Variants in SPATS2 observed in about 807,000 individuals in gnomAD.
The protein encoded by SPATS2 is spermatogenesis-associated serine-rich protein 2.
In SPATS2, 38 loss-of-function variants were observed where a neutral mutation model predicts 63.7. That is an observed-to-expected ratio of 0.60 (90% confidence interval 0.46 to 0.78). SPATS2 has a LOEUF of 0.78. SPATS2 is among the 30% of genes least tolerant of loss of function. The pLI is 0.00. For synonymous variants in SPATS2, 207 were observed against 232.9 expected, an observed-to-expected ratio of 0.89 and a Z score of 1.01; for missense variants, 588 against 666.2, an observed-to-expected ratio of 0.88 and a Z score of 1.29.
At chr12:49,496,176 A>G (rs1367640220) in intron 7 of SPATS2, among the ~76,000 whole-genome samples, 2 of 152,196 alleles carry the variant, frequency 1.3e-5, no homozygotes, top group Non-Finnish European at 2.9e-5. Flanking sequence ...CAAACCAACA[A>G]TAGCCAGTGG....
intron 2 of SPATS2, among the ~76,000 whole-genome samples, chr12:49,383,667 G>C (rs1345162153): frequency 6.6e-6 from 1 of 152,112 alleles, no homozygotes; most frequent in African/African-American, 2.4e-5. Flanking sequence ...CTCTTAAAGT[G>C]TTGCGCTTAT....
chr12:49,372,313 G>A lies in SPATS2; in HGVS notation c.-244+1023G>A, dbSNP rs113675867. On this transcript the variant is annotated intron_variant, in intron 2 of 13. Coordinates refer to ENST00000552918, the MANE Select transcript of SPATS2 (RefSeq NM_023071.4). ...ACCCGCCTCAGCCTCTCAAAGTGCT[G>A]AGATTACATGCGTGAACCACTGTGG... Among the ~76,000 whole-genome samples, 1,357 of 152,290 alleles carry A rather than the reference G, an allele frequency of 8.9e-3. 20 individuals carry two copies. Among genetic ancestry groups the A allele is most frequent in the African/African-American group, 0.031 (1,286 of 41,534 alleles).
At chr12:49,412,929 C>T (rs1944823283) in intron 2 of SPATS2, among the ~76,000 whole-genome samples, 1 of 152,070 alleles carries the variant, frequency 6.6e-6, no homozygotes, top group Non-Finnish European at 1.5e-5. Context: ...TCAAATTAAA[C>T]ATTTCAGCTG....
chr12:49,488,340 G>A (rs191524076), intron 4 of SPATS2, among the ~76,000 whole-genome samples: 2 of 152,152 alleles, frequency 1.3e-5, no homozygotes, highest in Admixed American at 1.3e-4. Context: ...ACCATGCCCA[G>A]CCATATATTT....
chr12:49,435,144 C>T (rs908238757), intron 2 of SPATS2, among the ~76,000 whole-genome samples: 40 of 151,190 alleles, frequency 2.6e-4, no homozygotes, highest in African/African-American at 9.5e-4. Flanking sequence ...CATTCTCCTG[C>T]CTCAGCCTCC....
intron 2 of SPATS2, among the ~76,000 whole-genome samples, chr12:49,455,366 A>G (rs1945701370): frequency 1.3e-5 from 2 of 152,120 alleles, no homozygotes; most frequent in African/African-American, 4.8e-5. Flanking sequence ...GACCTTCTCC[A>G]ATATCTGCAT....
intron 3 of SPATS2, chr12:49,462,624 A>C: frequency 3.4e-6 from 2 of 592,590 alleles, no homozygotes; most frequent in East Asian, 2.8e-5. Flanking sequence ...CACACGAATG[A>C]ATTGAAGGAT....
chr12:49,392,484 G>A lies in SPATS2; in HGVS notation c.-244+21194G>A, dbSNP rs186913505. On this transcript the variant is annotated intron_variant, in intron 2 of 13. Coordinates refer to ENST00000552918, the MANE Select transcript of SPATS2 (RefSeq NM_023071.4). The stretch of plus-strand genomic sequence containing the variant: ...CTGTAGTCCCAGCAGTTTGGGAGGC[G>A]GGTGAATCACCTGAGGTCAGGAGTT... 4.8e-4 allele frequency among the ~76,000 whole-genome samples: 73 copies of A among 152,194 alleles called. No homozygotes were observed. In the South Asian group the frequency reaches 0.012, roughly 25 times the overall value.
In SPATS2 at chr12:49,408,808, G is replaced by A. The variant is rs993809481; in HGVS notation, c.-244+37518G>A. Among the ~76,000 whole-genome samples the A allele has an allele frequency of 2.0e-4, 30 of 152,058 alleles. No homozygotes were observed. The South Asian group carries it at 2.8e-3, about 14-fold the overall frequency. The stretch of plus-strand genomic sequence containing the variant: ...TGACCTCAGGTGATCCACCCACCTC[G>A]GCTTCCCAGAGTTCTGGGATTACAG... On this transcript the variant is annotated intron_variant, in intron 2 of 13. Coordinates refer to ENST00000552918, the MANE Select transcript of SPATS2 (RefSeq NM_023071.4).
chr12:49,401,544 A>G (rs1944605389), intron 2 of SPATS2, among the ~76,000 whole-genome samples: 1 of 152,216 alleles, frequency 6.6e-6, no homozygotes, highest in Non-Finnish European at 1.5e-5. Context: ...AATCCCAAAC[A>G]TCATATTTTG....
intron 2 of SPATS2, chr12:49,389,741 A>G: frequency 2.0e-6 from 3 of 1,534,278 alleles, no homozygotes; most frequent in Non-Finnish European, 2.7e-6. Flanking sequence ...AAAACAGACA[A>G]ATCAGAGAAT....
At chr12:49,466,566 C>T (rs994650481) in intron 3 of SPATS2, among the ~76,000 whole-genome samples, 2 of 152,270 alleles carry the variant, frequency 1.3e-5, no homozygotes, top group Middle Eastern at 3.4e-3. Context: ...CTATCCTTTC[C>T]TCCATTGAAT....
intron 2 of SPATS2, among the ~76,000 whole-genome samples, chr12:49,448,163 A>T (rs1311837538): frequency 2.8e-5 from 4 of 140,628 alleles, no homozygotes; most frequent in Non-Finnish European, 4.6e-5. Flanking sequence ...TTTTAGACCG[A>T]GTCTCACTGT....
At chr12:49,512,511 A>G in intron 9 of SPATS2, among the ~76,000 whole-genome samples, 1 of 152,184 alleles carries the variant, frequency 6.6e-6, no homozygotes, top group Non-Finnish European at 1.5e-5. Flanking sequence ...GAGTTAATCA[A>G]AAACAAAGTT....
intron 3 of SPATS2, among the ~76,000 whole-genome samples, chr12:49,464,357 C>G (rs975958664): frequency 6.6e-6 from 1 of 150,776 alleles, no homozygotes; most frequent in African/African-American, 2.4e-5. Context: ...TGGTGGCTCA[C>G]GCCTGTAATC....
chr12:49,387,578 A>G (rs1305167073), intron 2 of SPATS2, among the ~76,000 whole-genome samples: 2 of 148,840 alleles, frequency 1.3e-5, no homozygotes, highest in Non-Finnish European at 3.0e-5. Flanking sequence ...TTGAGGTTGC[A>G]GTGAGCTGAG....
At chr12:49,429,375 T>G (rs1216475836) in intron 2 of SPATS2, among the ~76,000 whole-genome samples, 1 of 152,176 alleles carries the variant, frequency 6.6e-6, no homozygotes, top group Non-Finnish European at 1.5e-5. Flanking sequence ...AGAAAATTGG[T>G]GCCAGTGGTG....
intron 2 of SPATS2, among the ~76,000 whole-genome samples, chr12:49,428,519 G>A (rs551987059): frequency 1.3e-5 from 2 of 152,260 alleles, no homozygotes; most frequent in Admixed American, 1.3e-4. Context: ...TAAATGGAAT[G>A]ATATAGTATT....
chr12:49,442,616 C>T (rs1203530916), intron 2 of SPATS2: 2 of 154,712 alleles, frequency 1.3e-5, no homozygotes, highest in African/African-American at 4.9e-5. Flanking sequence ...TTCGTTTCCC[C>T]CTTTGCAGGA....
Sources: allele counts gnomAD v4.1 joint callset (sites outside exome capture counted in the v4.1 genomes callset), GRCh38; gene constraint gnomAD v4.1.1; transcripts MANE v1.5; gene names NCBI Gene and HGNC (gene_info 2026-07-23, HGNC 2026-07-21).